The following PIP4K2A variants were observed in gnomAD, a reference collection of about 807,000 sequenced individuals.
PIP4K2A encodes phosphatidylinositol 5-phosphate 4-kinase type-2 alpha.
Under a neutral mutation model 42.9 loss-of-function variants are expected in PIP4K2A, and 14 were observed. That is an observed-to-expected ratio of 0.33 (90% CI 0.22 to 0.51). The LOEUF is 0.51. PIP4K2A is among the 20% of genes least tolerant of loss of function. PIP4K2A has a pLI of 0.97. For synonymous variants in PIP4K2A, 192 were observed against 192.2 expected (o/e 1.00, Z 0.01); for missense variants, 434 against 519.8 (o/e 0.83, Z 1.61).
chr10:22,671,277 A>C (rs1399072831), intron 1 of PIP4K2A, among the ~76,000 whole-genome samples: 1 of 152,228 alleles, frequency 6.6e-6, no homozygotes, highest in African/African-American at 2.4e-5. Flanking sequence ...AATATGAATA[A>C]ATAACAATGC....
chr10:22,621,409 G>A (rs1263838184), intron 1 of PIP4K2A, among the ~76,000 whole-genome samples: 18 of 152,222 alleles, frequency 1.2e-4, no homozygotes, highest in Admixed American at 1.2e-3. Flanking sequence ...TTTTTAGTCA[G>A]ATATTTAATA....
intron 1 of PIP4K2A, among the ~76,000 whole-genome samples, chr10:22,657,305 C>G (rs980834865): frequency 6.6e-6 from 1 of 152,200 alleles, no homozygotes; most frequent in African/African-American, 2.4e-5. Flanking sequence ...TGGGAGACAG[C>G]TGGGAATAAC....
intron 4 of PIP4K2A, among the ~76,000 whole-genome samples, chr10:22,584,818 G>T (rs189329605): frequency 1.1e-3 from 168 of 152,324 alleles, no homozygotes; most frequent in Non-Finnish European, 1.8e-3. Context: ...ACTTACACAG[G>T]ACTGAGAATA....
At chr10:22,613,001 A>G (rs1448738796) in intron 1 of PIP4K2A, among the ~76,000 whole-genome samples, 1 of 152,146 alleles carries the variant, frequency 6.6e-6, no homozygotes, top group Admixed American at 6.5e-5. Context: ...AAGAACGGGA[A>G]TGTTTCCAAG....
At chr10:22,693,777 T>TTAC (rs1298743198) in intron 1 of PIP4K2A, among the ~76,000 whole-genome samples, 1 of 152,112 alleles carries the variant, frequency 6.6e-6, no homozygotes, top group African/African-American at 2.4e-5. Context: ...TTTCTTTATT[T>TTAC]TACTGTCTCA....
chr10:22,664,142 CAT>C lies in PIP4K2A; in HGVS notation c.144+50039_144+50040del, dbSNP rs1554807247. Among the ~76,000 whole-genome samples, 223 of 27,952 alleles carry C rather than the reference CAT, an allele frequency of 8.0e-3. 8 individuals are homozygous for C. The highest frequency in any genetic ancestry group is 0.03 in the African/African-American group (88 of 2,952). 18.3% of individuals were successfully genotyped at this position (27,952 alleles called of 152,430 possible). Reference sequence around the variant, plus strand: ...ATATATATATATACATATATATATACATATATATACACATATATATATATACA... The same window carrying C: ...ATATATATATATACATATATATATACATATATACACATATATATATATACA... On this transcript the variant is annotated intron_variant, in intron 1 of 9. Transcript: ENST00000376573.
intron 1 of PIP4K2A, among the ~76,000 whole-genome samples, chr10:22,657,035 G>A (rs1839115046): frequency 6.6e-6 from 1 of 152,110 alleles, no homozygotes; most frequent in Non-Finnish European, 1.5e-5. Context: ...TCCCAACGGG[G>A]CCAAGAGCAG....
At chr10:22,681,675 T>TA (rs566081176) in intron 1 of PIP4K2A, among the ~76,000 whole-genome samples, 101 of 149,376 alleles carry the variant, frequency 6.8e-4, no homozygotes, top group Middle Eastern at 3.4e-3. Context: ...ACCCTATTTC[T>TA]AAAAAAAAAT....
chr10:22,639,430 C>G (rs1838733410), intron 1 of PIP4K2A, among the ~76,000 whole-genome samples: 1 of 148,186 alleles, frequency 6.7e-6, no homozygotes, highest in South Asian at 2.1e-4. Context: ...TCTAATTTCT[C>G]CATTTGAGAA....
chr10:22,679,043 G>A (rs1027875228), intron 1 of PIP4K2A, among the ~76,000 whole-genome samples: 1 of 152,154 alleles, frequency 6.6e-6, no homozygotes, highest in Non-Finnish European at 1.5e-5. Flanking sequence ...ATGGTTTCTT[G>A]GATGTGACAC....
At position 22,676,521 on chromosome 10, in the gene PIP4K2A, A is replaced by G. The variant is rs116057590; in HGVS notation, c.144+37662T>C. 2.5e-3 allele frequency among the ~76,000 whole-genome samples: 379 copies of G among 152,256 alleles called. 1 individual carries two copies. The highest frequency in any genetic ancestry group is 8.8e-3 in the African/African-American group (365 of 41,560). On this transcript the variant is annotated intron_variant, in intron 1 of 9. Coordinates refer to ENST00000376573, the MANE Select transcript of PIP4K2A (RefSeq NM_005028.5). ...ATTCTAAAAATCTGAATGTGGCACG[A>G]TACAGTTATAGGTGGAGAGTCTTCA...
At chr10:22,577,409 G>A (rs1021489320) in intron 4 of PIP4K2A, among the ~76,000 whole-genome samples, 1 of 152,060 alleles carries the variant, frequency 6.6e-6, no homozygotes, top group African/African-American at 2.4e-5. Context: ...TAAATGGCTT[G>A]GTGCCATAGG....
At chr10:22,613,443 G>A (rs1053511944) in intron 1 of PIP4K2A, among the ~76,000 whole-genome samples, 4 of 152,246 alleles carry the variant, frequency 2.6e-5, no homozygotes, top group Non-Finnish European at 5.9e-5. Context: ...GGAGGGAAGC[G>A]ACTTTCCTGT....
At chr10:22,603,791 C>T (rs1837846805) in intron 3 of PIP4K2A, among the ~76,000 whole-genome samples, 1 of 152,192 alleles carries the variant, frequency 6.6e-6, no homozygotes, top group Non-Finnish European at 1.5e-5. Context: ...AGTCACAGAA[C>T]AGGCCTCCCA....
At chr10:22,550,101 T>A (rs1365584857) in intron 7 of PIP4K2A, among the ~76,000 whole-genome samples, 1 of 152,136 alleles carries the variant, frequency 6.6e-6, no homozygotes, top group Non-Finnish European at 1.5e-5. Flanking sequence ...TATGACCTAG[T>A]ATCCCAAGCT....
chr10:22,538,581 G>A (rs1037551798), intron 9 of PIP4K2A, among the ~76,000 whole-genome samples: 3 of 152,174 alleles, frequency 2.0e-5, no homozygotes, highest in African/African-American at 4.8e-5. Flanking sequence ...AGGATTCCTC[G>A]CCAGTTCTCT....
At chr10:22,679,581 G>A (rs1049255897) in intron 1 of PIP4K2A, among the ~76,000 whole-genome samples, 5 of 152,060 alleles carry the variant, frequency 3.3e-5, no homozygotes, top group African/African-American at 1.2e-4. Flanking sequence ...ATAAAAACAT[G>A]GGTCCACACA....
chr10:22,661,420 A>C (rs1839203292), intron 1 of PIP4K2A, among the ~76,000 whole-genome samples: 1 of 147,198 alleles, frequency 6.8e-6, no homozygotes, highest in South Asian at 2.1e-4. Context: ...GCAGTAGCAC[A>C]GTCATAGCTC....
intron 1 of PIP4K2A, among the ~76,000 whole-genome samples, chr10:22,679,250 C>A (rs1159322536): frequency 6.6e-6 from 1 of 152,084 alleles, no homozygotes; most frequent in Non-Finnish European, 1.5e-5. Context: ...AAAAAATGGG[C>A]AAAATATCTG....
Sources: allele counts gnomAD v4.1 joint callset (sites outside exome capture counted in the v4.1 genomes callset), GRCh38; gene constraint gnomAD v4.1.1; transcripts MANE v1.5; gene names NCBI Gene and HGNC (gene_info 2026-07-23, HGNC 2026-07-21).